The following DMD variants were observed in gnomAD, a reference collection of about 807,000 sequenced individuals.
The protein encoded by DMD is mutant dystrophin.
DMD carries 63 observed loss-of-function variants against 330.1 expected under a neutral mutation model. The observed-to-expected ratio is 0.19, with a 90% confidence interval of 0.16 to 0.24. The LOEUF (loss-of-function observed/expected upper bound fraction) is 0.24. DMD is among the 10% of genes least tolerant of loss of function. DMD has a pLI of 1.00. For synonymous variants in DMD, 1,223 were observed against 959.8 expected (o/e 1.27, Z -5.07); for missense variants, 3,344 against 2,684.1 (o/e 1.25, Z -5.43).
intron 44 of DMD, among the ~76,000 whole-genome samples, chrX:32,094,747 A>AGAT (rs1318692116): frequency 9.0e-6 from 1 of 111,147 alleles, no homozygotes; most frequent in African/African-American, 3.3e-5. Flanking sequence ...CAAAATAGGA[A>AGAT]GATAGCCAAG....
At chrX:31,365,011 C>T (rs193157249) in intron 60 of DMD, among the ~76,000 whole-genome samples, 50 of 105,312 alleles carry the variant, frequency 4.7e-4, no homozygotes, top group Admixed American at 1.7e-3. Flanking sequence ...AGGAGAATCA[C>T]TTGAACCCGG....
chrX:33,113,759 C>CT (rs1347688111), intron 1 of DMD, among the ~76,000 whole-genome samples: 233 of 110,201 alleles, frequency 2.1e-3, no homozygotes, highest in African/African-American at 7.2e-3. Context: ...GATTCATGGA[C>CT]TTTTTTTTTC....
intron 1 of DMD, among the ~76,000 whole-genome samples, chrX:33,326,544 C>CA (rs2054092024): frequency 8.9e-6 from 1 of 111,857 alleles, no homozygotes. Context: ...GTGTTACAGT[C>CA]AGAGAACTGT....
intron 47 of DMD, among the ~76,000 whole-genome samples, chrX:31,893,503 G>A (rs1221665879): frequency 9.1e-6 from 1 of 109,719 alleles, no homozygotes; most frequent in Non-Finnish European, 1.9e-5. Context: ...ATTAACTTCT[G>A]GTCTGAGGGG....
intron 48 of DMD, among the ~76,000 whole-genome samples, chrX:31,857,380 G>GAAAAAAAA (rs57685055): frequency 5.4e-5 from 2 of 36,786 alleles, no homozygotes; most frequent in Non-Finnish European, 9.2e-5. Context: ...CTCCACCTCG[G>GAAAAAAAA]AAAAAAAAAA....
chrX:31,474,238 T>A (rs886147691), intron 59 of DMD, among the ~76,000 whole-genome samples: 3 of 111,704 alleles, frequency 2.7e-5, no homozygotes, highest in African/African-American at 9.8e-5. Context: ...CACCCATTCT[T>A]TAAATCCAAA....
intron 4 of DMD, among the ~76,000 whole-genome samples, chrX:32,827,492 G>C (rs192517856): frequency 9.0e-6 from 1 of 110,576 alleles, no homozygotes; most frequent in Non-Finnish European, 1.9e-5. Context: ...GGTAAATTGC[G>C]TGTCATGGGG....
At chrX:31,292,581 T>G (rs914449284) in intron 62 of DMD, among the ~76,000 whole-genome samples, 2 of 111,550 alleles carry the variant, frequency 1.8e-5, no homozygotes, top group African/African-American at 6.5e-5. Flanking sequence ...ATGCCTACCC[T>G]CAACATAGGC....
At chrX:33,199,821 T>C (rs1388024500) in intron 1 of DMD, among the ~76,000 whole-genome samples, 2 of 111,179 alleles carry the variant, frequency 1.8e-5, no homozygotes, top group African/African-American at 6.5e-5. Context: ...GCACAGATCT[T>C]AAAGACGACA....
intron 1 of DMD, among the ~76,000 whole-genome samples, chrX:33,093,042 T>G (rs968546488): frequency 4.5e-5 from 5 of 110,363 alleles, no homozygotes; most frequent in African/African-American, 1.6e-4. Context: ...TCCGGCTAAT[T>G]TTTTGTATTT....
chrX:31,514,512 C>T (rs1194733165), intron 55 of DMD, among the ~76,000 whole-genome samples: 1 of 111,776 alleles, frequency 8.9e-6, no homozygotes, highest in Admixed American at 9.5e-5. Flanking sequence ...AGGTTTGACC[C>T]TTCTCTTCTC....
chrX:32,549,453 GTTT>G (rs1394436336), intron 16 of DMD, among the ~76,000 whole-genome samples: 6 of 111,223 alleles, frequency 5.4e-5, no homozygotes, highest in Non-Finnish European at 1.1e-4. Context: ...GGAAGCCCTT[GTTT>G]TCAGTTTGCA....
intron 44 of DMD, among the ~76,000 whole-genome samples, chrX:32,010,346 A>G (rs2095697154): frequency 9.0e-6 from 1 of 111,715 alleles, no homozygotes; most frequent in African/African-American, 3.3e-5. Flanking sequence ...TCTGCATTCA[A>G]TGACGTCACA....
chrX:32,021,358 G>T (rs2095804601), intron 44 of DMD, among the ~76,000 whole-genome samples: 1 of 111,703 alleles, frequency 9.0e-6, no homozygotes, highest in African/African-American at 3.3e-5. Flanking sequence ...TACAAATACA[G>T]GTGTTGAACA....
intron 42 of DMD, among the ~76,000 whole-genome samples, chrX:32,302,182 T>C (rs2097525853): frequency 1.8e-5 from 2 of 111,403 alleles, no homozygotes; most frequent in South Asian, 7.4e-4. Flanking sequence ...TACTTCAGTA[T>C]AGTATTCACT....
chrX:31,573,467 TG>T (rs1379175507), intron 55 of DMD, among the ~76,000 whole-genome samples: 4 of 111,669 alleles, frequency 3.6e-5, no homozygotes. Context: ...TTTGTACCTC[TG>T]GATCTTTTCT....
chrX:32,733,165 A>G (rs1603301217), intron 7 of DMD, among the ~76,000 whole-genome samples: 1 of 110,259 alleles, frequency 9.1e-6, no homozygotes, highest in Non-Finnish European at 1.9e-5. Context: ...AGAGACAAAG[A>G]AGGCCATTAC....
intron 5 of DMD, among the ~76,000 whole-genome samples, chrX:32,822,235 A>G (rs73621842): frequency 0.021 from 2,325 of 111,283 alleles, 72 homozygotes; most frequent in African/African-American, 0.071. Context: ...TAATCGTGAT[A>G]AGAAATACAT....
intron 60 of DMD, among the ~76,000 whole-genome samples, chrX:31,350,632 T>A (rs6631298): frequency 0.24 from 15,735 of 66,154 alleles, 1,919 homozygotes; most frequent in East Asian, 0.4. Flanking sequence ...TGTGTGTGTG[T>A]GAGAGAGAGA....
Sources: allele counts gnomAD v4.1 joint callset (sites outside exome capture counted in the v4.1 genomes callset), GRCh38; gene constraint gnomAD v4.1.1; transcripts MANE v1.5; gene names NCBI Gene and HGNC (gene_info 2026-07-23, HGNC 2026-07-21).